Variants in TTC23 observed in about 807,000 individuals in gnomAD.
The protein encoded by TTC23 is tetratricopeptide repeat domain 23.
In TTC23, 58 loss-of-function variants were observed where a neutral mutation model predicts 55.1. The ratio of observed to expected loss-of-function variants is 1.05; its 90% CI spans 0.85 to 1.31. The LOEUF is 1.31. Among genes scored for constraint, TTC23 ranks in the 50% most tolerant of loss-of-function variants. The pLI is 0.00. For missense variants in TTC23, 516 were observed against 534.4 expected (o/e 0.97, Z 0.34); for synonymous variants, 203 against 199.9 (o/e 1.02, Z -0.13).
At chr15:99,181,659 A>G (rs2074128455) in intron 9 of TTC23, among the ~76,000 whole-genome samples, 1 of 152,166 alleles carries the variant, frequency 6.6e-6, no homozygotes, top group African/African-American at 2.4e-5. Flanking sequence ...GTCACGTTGC[A>G]GCCCCGGGTT....
At chr15:99,189,707 T>G (rs1180843535) in intron 9 of TTC23, among the ~76,000 whole-genome samples, 1 of 152,112 alleles carries the variant, frequency 6.6e-6, no homozygotes, top group Non-Finnish European at 1.5e-5. Flanking sequence ...CTTCAAAAAT[T>G]TCAATGTCAT....
intron 1 of TTC23, among the ~76,000 whole-genome samples, chr15:99,246,879 C>G (rs2080291929): frequency 6.6e-6 from 1 of 152,082 alleles, no homozygotes; most frequent in African/African-American, 2.4e-5. Flanking sequence ...GAGATCGTGG[C>G]ACTCTGCACT....
At chr15:99,144,656 C>G (rs1037379346) in intron 12 of TTC23, 3 of 152,150 alleles carry the variant, frequency 2.0e-5, no homozygotes, top group Non-Finnish European at 4.4e-5. Flanking sequence ...TACAAGGCTA[C>G]GTGACTCCAT....
upstream of TTC23, among the ~76,000 whole-genome samples, chr15:99,250,615 A>G (rs2080649553): frequency 6.6e-6 from 1 of 152,236 alleles, no homozygotes; most frequent in Non-Finnish European, 1.5e-5. Context: ...CTATGCTTCC[A>G]AGTATTTTTA....
intron 8 of TTC23, among the ~76,000 whole-genome samples, chr15:99,208,027 T>G (rs2152016945): frequency 6.6e-6 from 1 of 152,184 alleles, no homozygotes; most frequent in African/African-American, 2.4e-5. Context: ...AAAGTAGTGT[T>G]TACAGTAGTA....
chr15:99,210,505 C>T (rs1018540434), intron 8 of TTC23, among the ~76,000 whole-genome samples: 1 of 152,028 alleles, frequency 6.6e-6, no homozygotes, highest in Non-Finnish European at 1.5e-5. Context: ...ACATAGTGTC[C>T]CACAGGAGCA....
chr15:99,146,452 C>T (rs536045900), intron 12 of TTC23, among the ~76,000 whole-genome samples: 3 of 152,350 alleles, frequency 2.0e-5, no homozygotes, highest in Admixed American at 6.5e-5. Flanking sequence ...TTTAAAGTTA[C>T]ACTAGATTTA....
At chr15:99,215,725 C>T (rs2077428878) in intron 8 of TTC23, among the ~76,000 whole-genome samples, 1 of 151,366 alleles carries the variant, frequency 6.6e-6, no homozygotes, top group Admixed American at 6.6e-5. Flanking sequence ...CCAGTCTGGG[C>T]AACAGAGTGA....
Position 99,174,987 on chromosome 15 carries a change from G to T in TTC23, c.865+63C>A, listed in dbSNP as rs148565979. The T allele has an allele frequency of 5.8e-4, 853 of 1,476,864 alleles. 4 individuals are homozygous for T. The African/African-American group carries it at 0.01, about 18-fold the overall frequency. The allele number at this position is 1,476,864 out of a possible 1,614,324, so 91.5% of individuals were successfully genotyped here. A position where few individuals can be genotyped will look rare whatever the true frequency, so the allele number is the denominator to read the frequency against. On this transcript the variant is annotated intron_variant, in intron 10 of 13. Transcript: ENST00000394132. Reference sequence around the variant, plus strand: ...CTCTGTCCACCTGTTAACCCATCTAGAAGGCAGCTCGTTTATAGACCCAGA... The same window carrying T: ...CTCTGTCCACCTGTTAACCCATCTATAAGGCAGCTCGTTTATAGACCCAGA...
Position 99,137,741 on chromosome 15 carries a change from G to A in TTC23, c.*269C>T, listed in dbSNP as rs1194662392. On this transcript the variant is annotated 3_prime_UTR_variant, in exon 14 of 14. Transcript: ENST00000394132. Reference sequence around the variant, plus strand: ...GAAGAGAAGTTTTTCAGCCACAGTAGTGCTGATGGGTAAAAATTCTTGTTG... The same window carrying A: ...GAAGAGAAGTTTTTCAGCCACAGTAATGCTGATGGGTAAAAATTCTTGTTG... 1 of 459,334 alleles carries A rather than the reference G, an allele frequency of 2.2e-6. No individual in the cohort carries two copies. The highest frequency in any genetic ancestry group is 2.0e-5 in the African/African-American group (1 of 50,922). 28.5% of individuals were successfully genotyped at this position (459,334 alleles called of 1,614,324 possible).
chr15:99,164,852 A>G (rs1300290468), intron 10 of TTC23, among the ~76,000 whole-genome samples: 1 of 152,164 alleles, frequency 6.6e-6, no homozygotes, highest in Non-Finnish European at 1.5e-5. Context: ...GCCCCTGTAA[A>G]GTGTGCTGCT....
In TTC23 at chr15:99,156,305, A is replaced by C. The variant is rs1426734824; in HGVS notation, c.994-8T>G. 5 of 1,612,948 alleles carry C rather than the reference A, an allele frequency of 3.1e-6. No homozygotes were observed. Among genetic ancestry groups the C allele is most frequent in the Non-Finnish European group, 4.2e-6 (5 of 1,179,276 alleles). ...CAGGATCGAGGTTGCTCTCTGTGAAAGGAACAAAAAGCTATCTGGTTAACA... is the reference window on the plus strand; with the variant it reads ...CAGGATCGAGGTTGCTCTCTGTGAACGGAACAAAAAGCTATCTGGTTAACA... On this transcript the variant is annotated splice_polypyrimidine_tract_variant and splice_region_variant and intron_variant, in intron 11 of 13. Coordinates refer to ENST00000394132, the MANE Select transcript of TTC23 (RefSeq NM_001288615.3).
intron 2 of TTC23, among the ~76,000 whole-genome samples, chr15:99,241,953 G>A (rs2079839957): frequency 1.3e-5 from 2 of 152,150 alleles, no homozygotes; most frequent in Non-Finnish European, 2.9e-5. Flanking sequence ...TGGGCAACAT[G>A]TCAAAACCCC....
At chr15:99,239,343 A>C (rs2079575455) in intron 3 of TTC23, among the ~76,000 whole-genome samples, 1 of 151,924 alleles carries the variant, frequency 6.6e-6, no homozygotes, top group Non-Finnish European at 1.5e-5. Flanking sequence ...AAATTAGCCC[A>C]GTGTGGTGGC....
At position 99,160,392 on chromosome 15, in the gene TTC23, A is replaced by G. The variant is rs188202523; in HGVS notation, c.993+1348T>C. ...GATCAAAAATTATATGGGAAAAAAC[A>G]ATAAAAATAACAATACAACAATAAA... is the stretch of plus-strand genomic sequence containing the variant. On this transcript the variant is annotated intron_variant, in intron 11 of 13. Coordinates refer to ENST00000394132, the MANE Select transcript of TTC23 (RefSeq NM_001288615.3). The G allele has an allele frequency of 3.5e-4, 53 of 152,342 alleles. 1 individual carries two copies. Among genetic ancestry groups the G allele is most frequent in the Admixed American group, 2.4e-3 (37 of 15,306 alleles). The allele number at this position is 152,342 out of a possible 1,614,324, so 9.4% of individuals were successfully genotyped here.
chr15:99,224,950 G>A (rs2078266739), intron 5 of TTC23, among the ~76,000 whole-genome samples: 1 of 152,140 alleles, frequency 6.6e-6, no homozygotes, highest in South Asian at 2.1e-4. Flanking sequence ...TCTAGACACA[G>A]GAAGTTTAGG....
At chr15:99,241,711 T>C (rs1270460632) in intron 2 of TTC23, 152 bp from the exon 3 acceptor site, 2 of 152,392 alleles carry the variant, frequency 1.3e-5, no homozygotes, top group Non-Finnish European at 2.9e-5. Context: ...AGGTGCCAAC[T>C]AGGCTGGAGC....
At chr15:99,228,444 G>A in intron 5 of TTC23, 89 bp downstream of exon 5, 9 of 1,204,794 alleles carry the variant, frequency 7.5e-6, no homozygotes, top group Non-Finnish European at 1.0e-5. Flanking sequence ...GCTGAGATTA[G>A]GAATGTAATC....
At chr15:99,204,632 G>GATTTTTTTTTTTT (rs2076455443) in intron 8 of TTC23, among the ~76,000 whole-genome samples, 1 of 60,892 alleles carries the variant, frequency 1.6e-5, no homozygotes, top group African/African-American at 6.8e-5. Context: ...TAGATTTAAG[G>GATTTTTTTTTTTT]TTTTTTTTTT....
Sources: allele counts gnomAD v4.1 joint callset (sites outside exome capture counted in the v4.1 genomes callset), GRCh38; gene constraint gnomAD v4.1.1; transcripts MANE v1.5; gene names NCBI Gene and HGNC (gene_info 2026-07-23, HGNC 2026-07-21).